HNF1A: variants seen among roughly 807,000 people sequenced by gnomAD.
HNF1A encodes the protein HNF1 homeobox A.
Under a neutral mutation model 62.2 loss-of-function variants are expected in HNF1A, and 21 were observed. The ratio of observed to expected loss-of-function variants is 0.34; its 90% CI spans 0.24 to 0.49. The LOEUF (loss-of-function observed/expected upper bound fraction) is 0.49. Ranked by LOEUF, HNF1A falls within the 20% of genes least tolerant of loss-of-function variation. HNF1A has a pLI of 0.99. For missense variants in HNF1A, 687 were observed against 832.3 expected (o/e 0.83, Z 2.15); for synonymous variants, 374 against 366.8 (o/e 1.02, Z -0.22).
chr12:120,978,633 A>C lies in HNF1A; in HGVS notation c.-136A>C. 8 of 786,550 alleles carry C rather than the reference A, an allele frequency of 1.0e-5. No individual in the cohort carries two copies. Among genetic ancestry groups the C allele is most frequent in the Non-Finnish European group, 1.5e-5 (7 of 463,768 alleles). 48.7% of individuals were successfully genotyped at this position (786,550 alleles called of 1,614,324 possible). ...TTGGGGGTGCCCACAGGGCTTGGCT[A>C]GTGGGGTTTTGGGGGGGCAGTGGGT... On this transcript the variant is annotated 5_prime_UTR_variant, in exon 1 of 10. Transcript: ENST00000257555.
rs1877511984 is a variant in HNF1A at position 121,001,856 on chromosome 12, T to C, written c.*664T>C. 2 of 523,618 alleles carry C rather than the reference T, an allele frequency of 3.8e-6. No homozygotes were observed. Among genetic ancestry groups the C allele is most frequent in the Middle Eastern group, 2.9e-4 (1 of 3,498 alleles). The allele number at this position is 523,618 out of a possible 1,614,324, so 32.4% of individuals were successfully genotyped here. ...CAGGCAGGGCTCTCCTGGCTTCCCA[T>C]CCCCAGCGATTCCCTCTCCCAGGCC... On this transcript the variant is annotated 3_prime_UTR_variant, in exon 10 of 10. Transcript: ENST00000257555.
At chr12:120,988,721 A>T in intron 1 of HNF1A, 112 bp from the exon 2 acceptor site, 1 of 953,630 alleles carries the variant, frequency 1.0e-6, no homozygotes, top group Non-Finnish European at 1.6e-6. Context: ...AACTGCTTTC[A>T]TGCACAGTCC....
At position 121,001,478 on chromosome 12, in the gene HNF1A, T is replaced by G. The variant is rs1877479710; in HGVS notation, c.*286T>G. The G allele has an allele frequency of 2.1e-6, 1 of 487,016 alleles. No individual in the cohort carries two copies. Among genetic ancestry groups the G allele is most frequent in the East Asian group, 3.6e-5 (1 of 27,864 alleles). 30.2% of individuals were successfully genotyped at this position (487,016 alleles called of 1,614,324 possible). A position where few individuals can be genotyped will look rare whatever the true frequency, so the allele number is the denominator to read the frequency against. ...TGTCGCTGCTTCGTGGGATACAGTCTTCTTACTTGGAACTGAAGGGGGCGG... is the reference window on the plus strand; with the variant it reads ...TGTCGCTGCTTCGTGGGATACAGTCGTCTTACTTGGAACTGAAGGGGGCGG... On this transcript the variant is annotated 3_prime_UTR_variant, in exon 10 of 10. Transcript: ENST00000257555.
chr12:120,982,866 A>G (rs1251681667), intron 1 of HNF1A, among the ~76,000 whole-genome samples: 1 of 152,172 alleles, frequency 6.6e-6, no homozygotes, highest in African/African-American at 2.4e-5. Context: ...TAAGTTGACC[A>G]TCAACTCACT....
rs1876074824 is a variant in HNF1A, at chr12:120,978,717, G to T, written c.-52G>T. On this transcript the variant is annotated 5_prime_UTR_variant, in exon 1 of 10. Transcript: ENST00000257555. ...GGCAAACGCAACCCACGCGGTGGGG[G>T]AGGCGGCTAGCGTGGTGGACCCGGG... is the stretch of plus-strand genomic sequence containing the variant. 6.4e-6 allele frequency: 10 copies of T among 1,553,954 alleles called. No homozygotes were observed. The highest frequency in any genetic ancestry group is 8.0e-6 in the Non-Finnish European group (9 of 1,127,812).
At position 120,981,648 on chromosome 12, in the gene HNF1A, C is replaced by G. The variant is rs976428877; in HGVS notation, c.326+2554C>G. 2.0e-5 allele frequency among the ~76,000 whole-genome samples: 3 copies of G among 152,206 alleles called. No homozygotes were observed. In the East Asian group the frequency reaches 5.8e-4, roughly 29 times the overall value. On this transcript the variant is annotated intron_variant, in intron 1 of 9. Transcript: ENST00000257555. Reference sequence around the variant, plus strand: ...TGCTCAGAACCTCTTTCCAGATCTTCCCATGGCCGATTCCTTCTCCTTCAG... The same window carrying G: ...TGCTCAGAACCTCTTTCCAGATCTTGCCATGGCCGATTCCTTCTCCTTCAG...
Position 120,978,735 on chromosome 12 carries a change from G to T in HNF1A, c.-34G>T. ...GGTGGGGGAGGCGGCTAGCGTGGTG[G>T]ACCCGGGCCGCGTGGCCCTGTGGCA... On this transcript the variant is annotated 5_prime_UTR_variant, in exon 1 of 10. Coordinates refer to ENST00000257555, the MANE Select transcript of HNF1A (RefSeq NM_000545.8). 1 of 1,603,450 alleles carries T rather than the reference G, an allele frequency of 6.2e-7. No homozygotes were observed. The highest frequency in any genetic ancestry group is 1.1e-5 in the South Asian group (1 of 90,798).
At position 121,001,783 on chromosome 12, in the gene HNF1A, T is replaced by C. The variant is rs1273403475; in HGVS notation, c.*591T>C. ...TGGGTGGCTACTCTGTGCCAGAGCCTGGGGCTCTAACGCCTGAGCCCAGGG... is the reference window on the plus strand; with the variant it reads ...TGGGTGGCTACTCTGTGCCAGAGCCCGGGGCTCTAACGCCTGAGCCCAGGG... On this transcript the variant is annotated 3_prime_UTR_variant, in exon 10 of 10. Coordinates refer to ENST00000257555, the MANE Select transcript of HNF1A (RefSeq NM_000545.8). The C allele has an allele frequency of 4.5e-5, 24 of 536,224 alleles. No individual in the cohort carries two copies. The East Asian group carries it at 8.9e-4, about 20-fold the overall frequency. 33.2% of individuals were successfully genotyped at this position (536,224 alleles called of 1,614,324 possible). A position where few individuals can be genotyped will look rare whatever the true frequency, so the allele number is the denominator to read the frequency against.
chr12:121,001,577 T>G lies in HNF1A; in HGVS notation c.*385T>G. ...CGCTACACCACTCTGGCAGCCACACTTCTCAGGACACAGGCCTGTGTAGCT... is the reference window on the plus strand; with the variant it reads ...CGCTACACCACTCTGGCAGCCACACGTCTCAGGACACAGGCCTGTGTAGCT... On this transcript the variant is annotated 3_prime_UTR_variant, in exon 10 of 10. Transcript: ENST00000257555. 1 of 439,902 alleles carries G rather than the reference T, an allele frequency of 2.3e-6. No individual in the cohort carries two copies. The highest frequency in any genetic ancestry group is 4.3e-6 in the Non-Finnish European group (1 of 231,644). The allele number at this position is 439,902 out of a possible 1,614,324, so 27.2% of individuals were successfully genotyped here. A position where few individuals can be genotyped will look rare whatever the true frequency, so the allele number is the denominator to read the frequency against.
Position 120,984,469 on chromosome 12 carries a change from T to G in HNF1A, c.327-4364T>G, listed in dbSNP as rs55911634. On this transcript the variant is annotated intron_variant, in intron 1 of 9. Transcript: ENST00000257555. ...TGAGAGGAAGACTGACCCTATTCTC[T>G]TTGTGGGAGAGAGAAGGGAAGGAGG... 8.3e-3 allele frequency among the ~76,000 whole-genome samples: 1,262 copies of G among 151,894 alleles called. 22 individuals carry two copies. Among genetic ancestry groups the G allele is most frequent in the African/African-American group, 0.029 (1,209 of 41,398 alleles).
chr12:121,000,892 G>A, intron 9 of HNF1A, 173 bp from the exon 10 acceptor site: 2 of 795,150 alleles, frequency 2.5e-6, no homozygotes, highest in South Asian at 1.5e-5. Flanking sequence ...GACCCTGGCT[G>A]GGAGGCTCCC....
rs1047291629 is a variant in HNF1A at position 120,997,005 on chromosome 12, T to C, written c.1309+263T>C. 3 of 1,518,596 alleles carry C rather than the reference T, an allele frequency of 2.0e-6. No homozygotes were observed. In the African/African-American group the frequency reaches 4.1e-5, roughly 21 times the overall value. The allele number at this position is 1,518,596 out of a possible 1,614,324, so 94.1% of individuals were successfully genotyped here. A position where few individuals can be genotyped will look rare whatever the true frequency, so the allele number is the denominator to read the frequency against. ...GGTACCTCAGAAGGTGAAGGGTCTA[T>C]GGGCAAATTACAGCAGGGTAAGGGG... On this transcript the variant is annotated intron_variant, in intron 6 of 9. Coordinates refer to ENST00000257555, the MANE Select transcript of HNF1A (RefSeq NM_000545.8).
intron 1 of HNF1A, among the ~76,000 whole-genome samples, chr12:120,986,575 TTTTG>T (rs928797600): frequency 4.9e-4 from 75 of 152,200 alleles, no homozygotes; most frequent in African/African-American, 1.3e-3. Flanking sequence ...ATCTGTAACT[TTTTG>T]TTTGTTTGTT....
At chr12:120,987,592 ATATAT>A (rs1565882971) in intron 1 of HNF1A, among the ~76,000 whole-genome samples, 2 of 136,756 alleles carry the variant, frequency 1.5e-5, no homozygotes, top group Non-Finnish European at 1.6e-5. Context: ...TTTTAAAAAT[ATATAT>A]ATATATATAT....
intron 9 of HNF1A, chr12:121,000,541 G>C (rs976280802): frequency 5.0e-6 from 1 of 199,778 alleles, no homozygotes; most frequent in Admixed American, 5.3e-5. Context: ...CCGTGTCTGC[G>C]GGGGGCTGGC....
chr12:121,000,971 C>A (rs1359949190), intron 9 of HNF1A, 94 bp from the exon 10 acceptor site: 1 of 1,537,560 alleles, frequency 6.5e-7, no homozygotes, highest in Non-Finnish European at 8.9e-7. Flanking sequence ...GGAGGTGTGG[C>A]CCTGCCTCCC....
Position 120,978,638 on chromosome 12 carries a change from G to C in HNF1A, c.-131G>C. 1.1e-6 allele frequency: 1 copy of C among 871,726 alleles called. No individual in the cohort carries two copies. Among genetic ancestry groups the C allele is most frequent in the South Asian group, 1.4e-5 (1 of 72,932 alleles). The allele number at this position is 871,726 out of a possible 1,614,324, so 54.0% of individuals were successfully genotyped here. Reference sequence around the variant, plus strand: ...GGTGCCCACAGGGCTTGGCTAGTGGGGTTTTGGGGGGGCAGTGGGTGCAAG... The same window carrying C: ...GGTGCCCACAGGGCTTGGCTAGTGGCGTTTTGGGGGGGCAGTGGGTGCAAG... On this transcript the variant is annotated 5_prime_UTR_variant, in exon 1 of 10. Transcript: ENST00000257555.
Position 120,996,193 on chromosome 12 carries a change from T to C in HNF1A, c.956-69T>C, listed in dbSNP as rs1269792395. 6.3e-7 allele frequency: 1 copy of C among 1,583,780 alleles called. No individual in the cohort carries two copies. Among genetic ancestry groups the C allele is most frequent in the Non-Finnish European group, 8.7e-7 (1 of 1,155,864 alleles). On this transcript the variant is annotated intron_variant, in intron 4 of 9. Transcript: ENST00000257555. The surrounding 1 kb of genome is among the most constrained non-coding windows in gnomAD (Gnocchi z 4.5). ...AGCAAACCAATGGAGTTTGAAGTGCTGAGGGCTGTGGAGGCAGGGGAGGGC... is the reference window on the plus strand; with the variant it reads ...AGCAAACCAATGGAGTTTGAAGTGCCGAGGGCTGTGGAGGCAGGGGAGGGC...
rs193922586 is a variant in HNF1A at position 120,999,464 on chromosome 12, G to A, written c.1624-19G>A. Reference sequence around the variant, plus strand: ...ACCCCCACATCCCCCGGGCTCAGGAGGCTGCTCTGCTCCCCCAGGTCTTCA... The same window carrying A: ...ACCCCCACATCCCCCGGGCTCAGGAAGCTGCTCTGCTCCCCCAGGTCTTCA... On this transcript the variant is annotated intron_variant, in intron 8 of 9. Transcript: ENST00000257555. 2,041 of 1,613,888 alleles carry A rather than the reference G, an allele frequency of 1.3e-3. 38 individuals are homozygous for A. The South Asian group carries it at 0.02, about 16-fold the overall frequency.
Sources: allele counts gnomAD v4.1 joint callset (sites outside exome capture counted in the v4.1 genomes callset), GRCh38; gene constraint gnomAD v4.1.1; non-coding constraint Gnocchi (gnomAD v3.1); transcripts MANE v1.5; gene names NCBI Gene and HGNC (gene_info 2026-07-23, HGNC 2026-07-21).